Variants in PLSCR1 observed in about 807,000 individuals in gnomAD.
PLSCR1 encodes PL scramblase 1.
Under a neutral mutation model 37.8 loss-of-function variants are expected in PLSCR1, and 17 were observed. The observed-to-expected ratio is 0.45, with a 90% CI of 0.31 to 0.68. The LOEUF (loss-of-function observed/expected upper bound fraction) is 0.68. Ranked by LOEUF, PLSCR1 falls within the 30% of genes least tolerant of loss-of-function variation. The pLI is 0.06. For missense variants in PLSCR1, 347 were observed against 380.9 expected (o/e 0.91, Z 0.74); for synonymous variants, 116 against 125.9 (o/e 0.92, Z 0.53).
Position 146,529,676 on chromosome 3 carries a change from C to T in PLSCR1, c.95-845G>A, listed in dbSNP as rs538108024. Among the ~76,000 whole-genome samples the T allele has an allele frequency of 2.0e-5, 3 of 152,192 alleles. No homozygotes were observed. The South Asian group carries it at 6.2e-4, about 32-fold the overall frequency. Reference sequence around the variant, plus strand: ...TACAGGCGCCCACCACCACGCCCAGCTAATTTTTTGTATTTTTTAGTAGAG... The same window carrying T: ...TACAGGCGCCCACCACCACGCCCAGTTAATTTTTTGTATTTTTTAGTAGAG... On this transcript the variant is annotated intron_variant, in intron 3 of 8. Coordinates refer to ENST00000342435, the MANE Select transcript of PLSCR1 (RefSeq NM_021105.3).
intron 2 of PLSCR1, 118 bp from the exon 3 acceptor site, chr3:146,533,668 G>T: frequency 1.9e-6 from 1 of 513,072 alleles, no homozygotes; most frequent in South Asian, 4.9e-5. Context: ...ATTGAAATAG[G>T]GAAAGTAAAA....
At chr3:146,533,376 TTCTC>T (rs1043457377) in intron 3 of PLSCR1, 90 bp downstream of exon 3, 4 of 586,380 alleles carry the variant, frequency 6.8e-6, no homozygotes, top group South Asian at 6.6e-5. Flanking sequence ...AAATGCACAA[TTCTC>T]TCTCTCTCTT....
At chr3:146,518,318 T>C (rs2043973409) in intron 7 of PLSCR1, among the ~76,000 whole-genome samples, 1 of 151,768 alleles carries the variant, frequency 6.6e-6, no homozygotes, top group African/African-American at 2.4e-5. Context: ...ATAGAACAAA[T>C]CTACCTGGAG....
chr3:146,517,213 G>A, intron 7 of PLSCR1, 46 bp from the exon 8 acceptor site: 1 of 1,102,616 alleles, frequency 9.1e-7, no homozygotes, highest in Non-Finnish European at 1.3e-6. Context: ...GAAACTTATA[G>A]CAAAAGTACT....
chr3:146,528,473 TAGA>T (rs937076846), intron 4 of PLSCR1, 138 bp downstream of exon 4: 4 of 683,076 alleles, frequency 5.9e-6, no homozygotes, highest in Non-Finnish European at 1.0e-5. Flanking sequence ...GAACCAGACC[TAGA>T]AGAATTAGAG....
Position 146,516,092 on chromosome 3 carries a change from A to G in PLSCR1, c.910T>C (p.Phe304Leu). 1 of 1,606,430 alleles carries G rather than the reference A, an allele frequency of 6.2e-7. No individual in the cohort carries two copies. The highest frequency in any genetic ancestry group is 1.1e-5 in the South Asian group (1 of 90,630). ...TCCTGGCTGCCAGTGCTTTCAAAAA[A>G]CATGAAGTCCTAGATAAAAACAAAA... is the stretch of plus-strand genomic sequence containing the variant. Reference protein sequence around the residue: ...IGACFLIDFMFFESTGSQEQK... With the variant: ...IGACFLIDFMLFESTGSQEQK... Residue 304 changes from phenylalanine to leucine, a missense_variant, in exon 9 of 9, where the codon TTT (phenylalanine) becomes CTT (leucine). Phe to Leu is a conservative substitution (Grantham distance 22, BLOSUM62 0). Coordinates refer to ENST00000342435, the MANE Select transcript of PLSCR1 (RefSeq NM_021105.3).
chr3:146,521,640 T>C lies in PLSCR1; in HGVS notation c.642A>G (p.Leu214=), dbSNP rs560095590. 139 of 1,613,360 alleles carry C rather than the reference T, an allele frequency of 8.6e-5. 3 individuals carry two copies. The South Asian group carries it at 1.5e-3, about 17-fold the overall frequency. The change falls in exon 7 of 9, where the codon CTA becomes CTG. Residue 214 remains leucine (L), a synonymous_variant. Transcript: ENST00000342435. The stretch of plus-strand genomic sequence containing the variant: ...TCTCATTTTGAATTGTAAACTTTGG[T>C]AGACATGGGTGCCAAGTCTGAATAA... ...GYVIQTWHPC[L]PKFTIQNEKR...
At chr3:146,532,150 CTA>C (rs2044208029) in intron 3 of PLSCR1, among the ~76,000 whole-genome samples, 2 of 152,012 alleles carry the variant, frequency 1.3e-5, no homozygotes, top group Admixed American at 6.6e-5. Context: ...CCATATATAT[CTA>C]TATATATAAA....
In PLSCR1 at chr3:146,515,371, T is replaced by A. The variant is rs1286872662; in HGVS notation, c.*674A>T. On this transcript the variant is annotated 3_prime_UTR_variant, in exon 9 of 9. Coordinates refer to ENST00000342435, the MANE Select transcript of PLSCR1 (RefSeq NM_021105.3). The stretch of plus-strand genomic sequence containing the variant: ...AAATATTAACTTTCAAAAGTTATAA[T>A]ACCAGAGTTTTAGAGTGAAGGAGTA... 6.6e-6 allele frequency: 1 copy of A among 152,150 alleles called. No individual in the cohort carries two copies. Among genetic ancestry groups the A allele is most frequent in the Non-Finnish European group, 1.5e-5 (1 of 68,004 alleles). The allele number at this position is 152,150 out of a possible 1,614,324, so 9.4% of individuals were successfully genotyped here.
In PLSCR1 at chr3:146,517,034, G is replaced by C. The variant is rs1422528115; in HGVS notation, c.872C>G (p.Ala291Gly). The change falls in exon 8 of 9, where the codon GCT (alanine) becomes GGT (glycine). Residue 291 changes from alanine (A) to glycine (G), a missense_variant. Ala to Gly is a moderately conservative substitution (Grantham distance 60). Transcript: ENST00000342435. ...FPLDLDVKMK[A>G]VMIGACFLID... ...GAGGAAACAGGCACCAATCATTACA[G>C]CTTTCATTTTAACATCAAGGTCTAA... 6.3e-7 allele frequency: 1 copy of C among 1,597,260 alleles called. No homozygotes were observed. The highest frequency in any genetic ancestry group is 1.4e-5 in the African/African-American group (1 of 73,806).
intron 5 of PLSCR1, among the ~76,000 whole-genome samples, chr3:146,523,874 C>T (rs906932447): frequency 6.6e-6 from 1 of 152,182 alleles, no homozygotes; most frequent in East Asian, 1.9e-4. Context: ...TGTACATAGT[C>T]CTCAGTAACT....
At chr3:146,521,467 C>T in intron 7 of PLSCR1, 77 bp downstream of exon 7, 1 of 1,194,618 alleles carries the variant, frequency 8.4e-7, no homozygotes, top group South Asian at 1.4e-5. Flanking sequence ...TTATTTAATG[C>T]ATTTATAATG....
At chr3:146,520,975 C>T (rs2044010496) in intron 7 of PLSCR1, among the ~76,000 whole-genome samples, 1 of 152,074 alleles carries the variant, frequency 6.6e-6, no homozygotes, top group Non-Finnish European at 1.5e-5. Flanking sequence ...CAATGTATTA[C>T]AGTAAATATA....
intron 7 of PLSCR1, among the ~76,000 whole-genome samples, chr3:146,520,489 C>T (rs1489291046): frequency 2.0e-5 from 3 of 152,082 alleles, no homozygotes; most frequent in African/African-American, 7.2e-5. Context: ...ATATTATGCA[C>T]ACATATACAT....
intron 7 of PLSCR1, among the ~76,000 whole-genome samples, chr3:146,518,704 A>G (rs1251176965): frequency 2.0e-5 from 3 of 152,224 alleles, no homozygotes; most frequent in Non-Finnish European, 4.4e-5. Flanking sequence ...AAGAAATTTA[A>G]CAAAGTAGAG....
intron 5 of PLSCR1, among the ~76,000 whole-genome samples, chr3:146,522,598 C>T (rs574498350): frequency 6.6e-6 from 1 of 152,266 alleles, no homozygotes; most frequent in South Asian, 2.1e-4. Flanking sequence ...AGGTATTGTC[C>T]AAGGTTTCTC....
chr3:146,538,768 T>C (rs1576798425), intron 1 of PLSCR1, among the ~76,000 whole-genome samples: 1 of 152,146 alleles, frequency 6.6e-6, no homozygotes, highest in Admixed American at 6.5e-5. Flanking sequence ...AAATTCATAG[T>C]TTCTGGATTG....
chr3:146,540,873 A>G (rs1242797753), intron 1 of PLSCR1: 2 of 152,300 alleles, frequency 1.3e-5, no homozygotes, highest in African/African-American at 4.8e-5. Flanking sequence ...GTAAGTCACA[A>G]ATCAAGTAAC....
At chr3:146,516,828 C>T in intron 8 of PLSCR1, 178 bp downstream of exon 8, 1 of 507,826 alleles carries the variant, frequency 2.0e-6, no homozygotes, top group South Asian at 2.8e-5. Context: ...AGAAACTAGT[C>T]ACCTGTGACC....
Sources: allele counts gnomAD v4.1 joint callset (sites outside exome capture counted in the v4.1 genomes callset), GRCh38; gene constraint gnomAD v4.1.1; transcripts MANE v1.5; gene names NCBI Gene and HGNC (gene_info 2026-07-23, HGNC 2026-07-21).